ANK3: variants seen among roughly 807,000 people sequenced by gnomAD.
ANK3 encodes ankyrin 3.
ANK3 carries 57 observed loss-of-function variants against 370.9 expected under a neutral mutation model. That is an observed-to-expected ratio of 0.15 (90% CI 0.12 to 0.19). The LOEUF (loss-of-function observed/expected upper bound fraction) is 0.19. Among genes scored for constraint, ANK3 ranks in the 10% least tolerant of loss-of-function variants. The pLI is 1.00. For synonymous variants in ANK3, 1,929 were observed against 1,946.3 expected (o/e 0.99, Z 0.23); for missense variants, 4,439 against 5,302.1 (o/e 0.84, Z 5.06).
At chr10:60,176,754 C>T (rs917121928) in intron 18 of ANK3, among the ~76,000 whole-genome samples, 5 of 151,468 alleles carry the variant, frequency 3.3e-5, no homozygotes, top group Non-Finnish European at 7.4e-5. Context: ...AGCGAAACTT[C>T]GTCTCAAAAA....
At chr10:60,319,640 C>T (rs1480716987) in intron 1 of ANK3, among the ~76,000 whole-genome samples, 2 of 152,208 alleles carry the variant, frequency 1.3e-5, no homozygotes, top group Non-Finnish European at 2.9e-5. Context: ...AGGCACTACA[C>T]TCCATGTTAG....
At chr10:60,143,352 T>C (rs1342113816) in intron 23 of ANK3, among the ~76,000 whole-genome samples, 1 of 152,182 alleles carries the variant, frequency 6.6e-6, no homozygotes, top group Non-Finnish European at 1.5e-5. Flanking sequence ...ATGAGATGAA[T>C]TGTATTGTGT....
intron 2 of ANK3, among the ~76,000 whole-genome samples, chr10:60,592,121 G>A (rs377360337): frequency 9.2e-5 from 14 of 152,108 alleles, no homozygotes; most frequent in Admixed American, 2.6e-4. Flanking sequence ...TGAGGGGATG[G>A]ATACACCATT....
intron 1 of ANK3, among the ~76,000 whole-genome samples, chr10:60,322,692 G>T (rs2048930210): frequency 6.6e-6 from 1 of 152,064 alleles, no homozygotes; most frequent in African/African-American, 2.4e-5. Flanking sequence ...TGAGGGTACA[G>T]TGACAAACAA....
At chr10:60,625,204 C>T (rs984713814) in intron 1 of ANK3, among the ~76,000 whole-genome samples, 11 of 152,120 alleles carry the variant, frequency 7.2e-5, no homozygotes, top group African/African-American at 2.7e-4. Context: ...AGGCACCAGA[C>T]TTGGGAGTAG....
intron 2 of ANK3, among the ~76,000 whole-genome samples, chr10:60,603,019 G>A (rs9415604): frequency 0.023 from 3,536 of 152,186 alleles, 71 homozygotes; most frequent in Middle Eastern, 0.051. Flanking sequence ...TTTAGTACAT[G>A]ATGCAGAATG....
intron 1 of ANK3, among the ~76,000 whole-genome samples, chr10:60,668,861 C>T (rs1473897621): frequency 2.6e-5 from 4 of 152,034 alleles, no homozygotes; most frequent in South Asian, 2.1e-4. Context: ...GGCGCGGTGG[C>T]GTGCACCTGT....
chr10:60,541,743 A>C (rs2076854206), intron 2 of ANK3, among the ~76,000 whole-genome samples: 1 of 151,926 alleles, frequency 6.6e-6, no homozygotes, highest in Non-Finnish European at 1.5e-5. Context: ...CAAACGAGGG[A>C]GTTCCTTTGG....
In ANK3 at chr10:60,055,655, T is replaced by C. The variant is rs1420624870; in HGVS notation, c.13065+3A>G. ...ACTGCTACCGGATGACCAGATGACGTACCTTTTGCTCAGACCCACTGGACC... is the reference window on the plus strand; with the variant it reads ...ACTGCTACCGGATGACCAGATGACGCACCTTTTGCTCAGACCCACTGGACC... On this transcript the variant is annotated splice_donor_region_variant and intron_variant, in intron 42 of 43. Transcript: ENST00000280772. 11 of 1,597,890 alleles carry C rather than the reference T, an allele frequency of 6.9e-6. No individual in the cohort carries two copies. Among genetic ancestry groups the C allele is most frequent in the Non-Finnish European group, 9.4e-6 (11 of 1,174,280 alleles).
At chr10:60,562,392 A>G (rs1567147712) in intron 2 of ANK3, among the ~76,000 whole-genome samples, 1 of 150,254 alleles carries the variant, frequency 6.7e-6, no homozygotes, top group Non-Finnish European at 1.5e-5. Flanking sequence ...AATATGTCTT[A>G]AGGGAGCATT....
chr10:60,586,428 T>A (rs1411321255), intron 2 of ANK3, among the ~76,000 whole-genome samples: 1 of 149,896 alleles, frequency 6.7e-6, no homozygotes, highest in Non-Finnish European at 1.5e-5. Context: ...CAAACGGGAG[T>A]TTTTTTGTGG....
intron 2 of ANK3, among the ~76,000 whole-genome samples, chr10:60,550,247 G>A (rs1346506844): frequency 4.6e-5 from 7 of 151,516 alleles, no homozygotes; most frequent in Non-Finnish European, 1.0e-4. Context: ...ATGTAATAAT[G>A]TGTAAAAATA....
At chr10:60,142,404 C>T (rs886089683) in intron 23 of ANK3, among the ~76,000 whole-genome samples, 4 of 152,170 alleles carry the variant, frequency 2.6e-5, no homozygotes, top group African/African-American at 9.6e-5. Flanking sequence ...TAGTCTTTCC[C>T]ATTGGCTGGT....
At chr10:60,313,809 T>C (rs2046844887) in intron 1 of ANK3, among the ~76,000 whole-genome samples, 1 of 152,176 alleles carries the variant, frequency 6.6e-6, no homozygotes. Context: ...CTCTAATTGA[T>C]GACAATATCT....
At chr10:60,524,895 C>A (rs2076433025) in intron 2 of ANK3, among the ~76,000 whole-genome samples, 1 of 152,016 alleles carries the variant, frequency 6.6e-6, no homozygotes, top group Non-Finnish European at 1.5e-5. Flanking sequence ...GAACTGGACC[C>A]ATGAACAGAA....
intron 2 of ANK3, among the ~76,000 whole-genome samples, chr10:60,409,235 T>C (rs985237149): frequency 4.6e-5 from 7 of 152,218 alleles, no homozygotes; most frequent in African/African-American, 1.7e-4. Context: ...CAAGTTCAGT[T>C]CATGAAACTT....
At chr10:60,385,267 T>A (rs1376863133) in intron 1 of ANK3, among the ~76,000 whole-genome samples, 1 of 151,904 alleles carries the variant, frequency 6.6e-6, no homozygotes, top group East Asian at 1.9e-4. Flanking sequence ...CTACTTCTGT[T>A]ACTTTGGGCA....
Position 60,203,104 on chromosome 10 carries a change from A to G in ANK3, c.1294-4T>C. 1 of 1,609,210 alleles carries G rather than the reference A, an allele frequency of 6.2e-7. No individual in the cohort carries two copies. Among genetic ancestry groups the G allele is most frequent in the Non-Finnish European group, 8.5e-7 (1 of 1,176,928 alleles). ...CATGGATTGGGGTAAGGCCCGACTA[A>G]GGGGAAAAGAAGAAAATGGTGGTTT... On this transcript the variant is annotated splice_region_variant and splice_polypyrimidine_tract_variant and intron_variant, in intron 11 of 43. Transcript: ENST00000280772.
intron 2 of ANK3, among the ~76,000 whole-genome samples, chr10:60,517,220 A>G (rs2076240970): frequency 6.6e-6 from 1 of 152,034 alleles, no homozygotes. Flanking sequence ...ACGTGCCACC[A>G]CACTGGCTAA....
Sources: gnomAD v4.1 joint callset for allele counts (sites outside exome capture counted in the v4.1 genomes callset) on GRCh38, gnomAD v4.1.1 for gene constraint, MANE v1.5 for transcripts, NCBI Gene and HGNC (gene_info 2026-07-23, HGNC 2026-07-21) for gene names.